CTNNA2: variants seen among roughly 807,000 people sequenced by gnomAD.
CTNNA2 encodes catenin alpha-2.
A neutral mutation model predicts 101.0 loss-of-function variants in CTNNA2; 42 were observed. That is an observed-to-expected ratio of 0.42 (90% CI 0.32 to 0.54). The LOEUF is 0.54. CTNNA2 is among the 20% of genes least tolerant of loss of function. CTNNA2 has a pLI of 0.14. For missense variants in CTNNA2, 871 were observed against 1,223.1 expected, an observed-to-expected ratio of 0.71 and a Z score of 4.29; for synonymous variants, 450 against 456.4, an observed-to-expected ratio of 0.99 and a Z score of 0.18.
At chr2:80,007,438 A>G (rs1449814695) in intron 7 of CTNNA2, among the ~76,000 whole-genome samples, 2 of 152,148 alleles carry the variant, frequency 1.3e-5, no homozygotes, top group Admixed American at 6.6e-5. Context: ...AAATCTGATT[A>G]GTAGCAACTA....
intron 2 of CTNNA2, among the ~76,000 whole-genome samples, chr2:79,278,795 T>A (rs1326908150): frequency 6.6e-6 from 1 of 152,038 alleles, no homozygotes; most frequent in Non-Finnish European, 1.5e-5. Flanking sequence ...GTTGAAGCCA[T>A]CAGGCAATAC....
Position 80,303,315 on chromosome 2 carries a change from G to T in CTNNA2, c.1057-89896G>T, listed in dbSNP as rs1303903132. 2 of 1,613,734 alleles carry T rather than the reference G, an allele frequency of 1.2e-6. No individual in the cohort carries two copies. Among genetic ancestry groups the T allele is most frequent in the East Asian group, 2.2e-5 (1 of 44,848 alleles). Reference sequence around the variant, plus strand: ...GGCACAAACTGGATGGCGTTGGCCCGCATATGCAGCGTGGTGAGCTTCCGC... The same window carrying T: ...GGCACAAACTGGATGGCGTTGGCCCTCATATGCAGCGTGGTGAGCTTCCGC... On this transcript the variant is annotated intron_variant, in intron 7 of 18. Transcript: ENST00000402739. This position sits in a 1 kb window ranked among gnomAD's most constrained non-coding sequence, Gnocchi z 7.7.
chr2:80,301,611 T>C (rs1478830167), intron 7 of CTNNA2, among the ~76,000 whole-genome samples: 2 of 152,318 alleles, frequency 1.3e-5, no homozygotes, highest in Non-Finnish European at 2.9e-5. Context: ...GGTGGTTAGA[T>C]TGCACTGTCC....
At chr2:79,717,176 A>G (rs1020283838) in intron 2 of CTNNA2, among the ~76,000 whole-genome samples, 2 of 152,208 alleles carry the variant, frequency 1.3e-5, no homozygotes, top group African/African-American at 4.8e-5. Flanking sequence ...TTTTGGCACT[A>G]TTTAAATTTT....
intron 7 of CTNNA2, among the ~76,000 whole-genome samples, chr2:80,390,036 G>C (rs1232013183): frequency 6.6e-6 from 1 of 152,188 alleles, no homozygotes; most frequent in African/African-American, 2.4e-5. Flanking sequence ...TGTCTCTGTA[G>C]CTAGTCAAAC....
chr2:79,567,056 A>T (rs1158073491), intron 1 of CTNNA2, among the ~76,000 whole-genome samples: 2 of 152,220 alleles, frequency 1.3e-5, no homozygotes, highest in African/African-American at 2.4e-5. Context: ...ACATTCAATA[A>T]AGTAGATACT....
chr2:79,355,916 T>C (rs1029779941), intron 3 of CTNNA2, among the ~76,000 whole-genome samples: 1 of 152,078 alleles, frequency 6.6e-6, no homozygotes, highest in Non-Finnish European at 1.5e-5. Flanking sequence ...ATACAAGTAT[T>C]CATTTGAATA....
At chr2:79,428,151 G>A (rs1384381894) in intron 4 of CTNNA2, among the ~76,000 whole-genome samples, 1 of 151,572 alleles carries the variant, frequency 6.6e-6, no homozygotes, top group Non-Finnish European at 1.5e-5. Flanking sequence ...TTCATTTTAA[G>A]TCAGTCTCTT....
At chr2:79,797,243 G>A (rs1675788265) in intron 3 of CTNNA2, among the ~76,000 whole-genome samples, 1 of 152,140 alleles carries the variant, frequency 6.6e-6, no homozygotes, top group Admixed American at 6.5e-5. Context: ...AGGTGGGTAG[G>A]TAGGATGTAA....
intron 7 of CTNNA2, among the ~76,000 whole-genome samples, chr2:79,934,410 A>C (rs1198787960): frequency 6.6e-6 from 1 of 152,254 alleles, no homozygotes; most frequent in Non-Finnish European, 1.5e-5. Flanking sequence ...TTAACTGTGC[A>C]ACTCTACAAA....
intron 2 of CTNNA2, among the ~76,000 whole-genome samples, chr2:79,302,532 C>A (rs529620598): frequency 6.6e-6 from 1 of 152,266 alleles, no homozygotes; most frequent in South Asian, 2.1e-4. Flanking sequence ...CTTTTCCTGA[C>A]CAAGAAATAT....
intron 7 of CTNNA2, among the ~76,000 whole-genome samples, chr2:80,345,752 A>T (rs1210267787): frequency 6.6e-6 from 1 of 152,166 alleles, no homozygotes; most frequent in Admixed American, 6.5e-5. Context: ...AATCTATGGA[A>T]ACTTTTTTTT....
intron 2 of CTNNA2, among the ~76,000 whole-genome samples, chr2:79,704,132 G>A (rs1451265629): frequency 6.6e-6 from 1 of 151,970 alleles, no homozygotes. Flanking sequence ...TGTATTTTTA[G>A]CCTCAAACAA....
At chr2:79,300,329 AT>A (rs1409562873) in intron 2 of CTNNA2, among the ~76,000 whole-genome samples, 3 of 152,052 alleles carry the variant, frequency 2.0e-5, no homozygotes, top group Non-Finnish European at 4.4e-5. Context: ...AGCTTCCTCC[AT>A]TTCTTTTCAT....
At chr2:79,533,966 A>G (rs1672902318) in intron 1 of CTNNA2, among the ~76,000 whole-genome samples, 1 of 152,134 alleles carries the variant, frequency 6.6e-6, no homozygotes, top group South Asian at 2.1e-4. Context: ...CACCAGAGGA[A>G]ATACTGATCT....
intron 7 of CTNNA2, among the ~76,000 whole-genome samples, chr2:80,094,574 T>C (rs1216579806): frequency 6.6e-6 from 1 of 152,198 alleles, no homozygotes; most frequent in Non-Finnish European, 1.5e-5. Flanking sequence ...GGGATGGCAT[T>C]GAATCTATAA....
chr2:79,593,880 G>GTTTTTTTTTTT (rs945227300), intron 1 of CTNNA2, among the ~76,000 whole-genome samples: 3 of 85,440 alleles, frequency 3.5e-5, no homozygotes, highest in East Asian at 3.8e-4. Context: ...CTTTCTTTTA[G>GTTTTTTTTTTT]TTTTTTTTTT....
chr2:79,791,162 A>G (rs773212961), intron 3 of CTNNA2, among the ~76,000 whole-genome samples: 7 of 152,262 alleles, frequency 4.6e-5, no homozygotes, highest in Admixed American at 1.3e-4. Context: ...TTTAGCCCCT[A>G]CATGAATTAA....
At chr2:79,774,987 T>C (rs2105165826) in intron 3 of CTNNA2, among the ~76,000 whole-genome samples, 1 of 152,304 alleles carries the variant, frequency 6.6e-6, no homozygotes, top group South Asian at 2.1e-4. Flanking sequence ...TTTAAAGCCA[T>C]CCCTTTATGA....
Sources: gnomAD v4.1 joint callset for allele counts (sites outside exome capture counted in the v4.1 genomes callset) on GRCh38, gnomAD v4.1.1 for gene constraint, Gnocchi (gnomAD v3.1) non-coding constraint, MANE v1.5 for transcripts, NCBI Gene and HGNC (gene_info 2026-07-23, HGNC 2026-07-21) for gene names.